The following PLEKHA5 variants were observed in gnomAD, a reference collection of about 807,000 sequenced individuals.
PLEKHA5 encodes the protein pleckstrin homology domain-containing family A member 5.
In PLEKHA5, 55 loss-of-function variants were observed where a neutral mutation model predicts 181.9. The ratio of observed to expected loss-of-function variants is 0.30; its 90% CI spans 0.24 to 0.38. PLEKHA5 has a LOEUF of 0.38. PLEKHA5 is among the 10% of genes least tolerant of loss of function. PLEKHA5 has a pLI of 1.00. For synonymous variants in PLEKHA5, 535 were observed against 529.4 expected (o/e 1.01, Z -0.15); for missense variants, 1,432 against 1,549.5 (o/e 0.92, Z 1.27).
At chr12:19,177,314 A>C (rs1457374936) in intron 3 of PLEKHA5, among the ~76,000 whole-genome samples, 3 of 152,222 alleles carry the variant, frequency 2.0e-5, no homozygotes, top group African/African-American at 7.2e-5. Flanking sequence ...ATACAGTACA[A>C]AATAGTACTA....
In PLEKHA5 at chr12:19,353,902, G is replaced by T; in HGVS notation, c.3038G>T (p.Gly1013Val). The T allele has an allele frequency of 6.3e-7, 1 of 1,589,150 alleles. No homozygotes were observed. The highest frequency in any genetic ancestry group is 1.7e-4 in the Middle Eastern group (1 of 6,028). ...TTTTTAGGTTCCCACTTTCCTGTTG[G>T]AGTAGTCCCTCCAAGAGCAAAATCA... The part of the protein sequence containing the change: ...SVVKGSHFPV[G>V]VVPPRAKSPT... Residue 1013 changes from glycine (G) to valine (V), a missense_variant, in exon 26 of 32, where the codon GGA (glycine) becomes GTA (valine). Transcript: ENST00000429027.
chr12:19,223,299 C>T (rs912080937), intron 3 of PLEKHA5, among the ~76,000 whole-genome samples: 2 of 151,926 alleles, frequency 1.3e-5, no homozygotes, highest in Non-Finnish European at 2.9e-5. Flanking sequence ...ATGAAAGAAG[C>T]CTCTTAATTT....
chr12:19,261,194 T>C (rs900854388), intron 7 of PLEKHA5, among the ~76,000 whole-genome samples, 173 bp downstream of exon 7: 1 of 152,156 alleles, frequency 6.6e-6, no homozygotes, highest in Non-Finnish European at 1.5e-5. Context: ...GGGGTTATGA[T>C]AGAATAAATA....
intron 3 of PLEKHA5, among the ~76,000 whole-genome samples, chr12:19,224,322 A>G (rs536236895): frequency 1.5e-4 from 23 of 152,304 alleles, no homozygotes; most frequent in African/African-American, 2.9e-4. Context: ...CTCAAGTTCA[A>G]TGAGATCCAG....
At chr12:19,221,139 C>G (rs1409881350) in intron 3 of PLEKHA5, among the ~76,000 whole-genome samples, 1 of 152,086 alleles carries the variant, frequency 6.6e-6, no homozygotes, top group East Asian at 1.9e-4. Flanking sequence ...CAGTCATGCT[C>G]CTAGGTATTT....
intron 20 of PLEKHA5, among the ~76,000 whole-genome samples, chr12:19,330,893 G>A (rs1212280897): frequency 1.3e-5 from 2 of 152,038 alleles, no homozygotes; most frequent in African/African-American, 4.8e-5. Flanking sequence ...ACTTAAATTT[G>A]GAAAGAGATG....
chr12:19,354,055 T>G, intron 26 of PLEKHA5, 53 bp downstream of exon 26: 1 of 832,446 alleles, frequency 1.2e-6, no homozygotes, highest in East Asian at 2.6e-5. Context: ...TATTTATTGC[T>G]TTCTTACATG....
intron 15 of PLEKHA5, among the ~76,000 whole-genome samples, chr12:19,298,602 C>T (rs2080583300): frequency 6.6e-6 from 1 of 151,706 alleles, no homozygotes; most frequent in African/African-American, 2.4e-5. Flanking sequence ...CTCCTGCCCT[C>T]AGGTGATCCA....
intron 3 of PLEKHA5, among the ~76,000 whole-genome samples, chr12:19,252,089 A>G (rs922070773): frequency 6.6e-6 from 1 of 152,170 alleles, no homozygotes; most frequent in African/African-American, 2.4e-5. Flanking sequence ...TTCTACTCTT[A>G]CAATAGTCAA....
intron 3 of PLEKHA5, among the ~76,000 whole-genome samples, chr12:19,182,667 T>C (rs1406056560): frequency 2.6e-5 from 4 of 152,222 alleles, no homozygotes; most frequent in Non-Finnish European, 5.9e-5. Flanking sequence ...CCGTCAGAAT[T>C]ATACAGAAGT....
chr12:19,156,214 G>GTTT (rs60021967), intron 3 of PLEKHA5, among the ~76,000 whole-genome samples: 10 of 145,090 alleles, frequency 6.9e-5, no homozygotes, highest in South Asian at 2.2e-4. Context: ...TCCTTTTTTT[G>GTTT]TTTTTTTTTT....
chr12:19,215,472 G>A (rs2057785782), intron 3 of PLEKHA5, among the ~76,000 whole-genome samples: 1 of 152,188 alleles, frequency 6.6e-6, no homozygotes, highest in African/African-American at 2.4e-5. Context: ...CCTCATGTGT[G>A]TGGAGGTAAG....
At chr12:19,306,779 C>T (rs2083905434) in intron 15 of PLEKHA5, 8 of 913,758 alleles carry the variant, frequency 8.8e-6, no homozygotes, top group South Asian at 7.8e-5. Context: ...TCGTTAAATT[C>T]CATGATCCAG....
chr12:19,353,535 C>T (rs1177467561), intron 25 of PLEKHA5, among the ~76,000 whole-genome samples: 1 of 151,912 alleles, frequency 6.6e-6, no homozygotes. Context: ...TCTCGGTTTA[C>T]TGCAACCTCT....
chr12:19,234,105 A>C (rs541295418), intron 3 of PLEKHA5, among the ~76,000 whole-genome samples: 1 of 152,348 alleles, frequency 6.6e-6, no homozygotes, highest in South Asian at 2.1e-4. Context: ...TCTCTTTAAC[A>C]GGGCATCCTT....
At chr12:19,344,080 A>G (rs907387072) in intron 22 of PLEKHA5, among the ~76,000 whole-genome samples, 1 of 151,904 alleles carries the variant, frequency 6.6e-6, no homozygotes, top group Non-Finnish European at 1.5e-5. Context: ...TCTCAGCTGC[A>G]TTATAATCTT....
intron 3 of PLEKHA5, chr12:19,152,093 C>A (rs1022343413): frequency 1.3e-5 from 2 of 151,984 alleles, no homozygotes; most frequent in Admixed American, 1.3e-4. Context: ...GTCTCGATCT[C>A]CTGACGTCGT....
chr12:19,163,669 C>CCTTT (rs1555229841), intron 3 of PLEKHA5, among the ~76,000 whole-genome samples: 1 of 150,640 alleles, frequency 6.6e-6, no homozygotes, highest in Non-Finnish European at 1.5e-5. Context: ...GTGTGGTCTT[C>CCTTT]CTATCTATCT....
At chr12:19,218,908 T>TA (rs201254860) in intron 3 of PLEKHA5, among the ~76,000 whole-genome samples, 16 of 34,564 alleles carry the variant, frequency 4.6e-4, no homozygotes, top group Admixed American at 2.9e-3. Context: ...TTATTATTAT[T>TA]TTTTTTTTTA....
Sources: allele counts gnomAD v4.1 joint callset (sites outside exome capture counted in the v4.1 genomes callset), GRCh38; gene constraint gnomAD v4.1.1; transcripts MANE v1.5; gene names NCBI Gene and HGNC (gene_info 2026-07-23, HGNC 2026-07-21).